CCDC178: variants seen among roughly 807,000 people sequenced by gnomAD.
CCDC178 encodes coiled-coil domain containing 178.
CCDC178 carries 126 observed loss-of-function variants against 117.4 expected under a neutral mutation model. The observed-to-expected ratio is 1.07, with a 90% CI of 0.93 to 1.24. The LOEUF (loss-of-function observed/expected upper bound fraction) is 1.24, where lower values mean the gene tolerates loss of function less well. Ranked by LOEUF, CCDC178 falls within the 50% of genes most tolerant of loss-of-function variation. The probability of loss-of-function intolerance (pLI) is 0.00; values close to 1 mark genes in which losing one functional copy is unlikely to be tolerated. For missense variants in CCDC178, 1,030 were observed against 986.9 expected, an observed-to-expected ratio of 1.04 and a Z score of -0.59; for synonymous variants, 283 against 313.4, an observed-to-expected ratio of 0.90 and a Z score of 1.02.
chr18:33,133,777 A>T (rs2058093111), intron 20 of CCDC178, among the ~76,000 whole-genome samples: 1 of 151,926 alleles, frequency 6.6e-6, no homozygotes, highest in Non-Finnish European at 1.5e-5. Flanking sequence ...TAGTGATTGC[A>T]AGGCTGTATT....
Position 32,963,159 on chromosome 18 carries a change from C to T in CCDC178, c.2523+11388G>A, listed in dbSNP as rs117797532. Among the ~76,000 whole-genome samples, 809 of 152,080 alleles carry T rather than the reference C, an allele frequency of 5.3e-3. 6 individuals carry two copies. The highest frequency in any genetic ancestry group is 0.027 in the Middle Eastern group (8 of 292). Reference sequence around the variant, plus strand: ...ATGTCCTGAGGATGAGCATGGAGGACGAAGTTTGACACATAGTAATGGCTA... The same window carrying T: ...ATGTCCTGAGGATGAGCATGGAGGATGAAGTTTGACACATAGTAATGGCTA... On this transcript the variant is annotated intron_variant, in intron 22 of 22. Coordinates refer to ENST00000383096, the MANE Select transcript of CCDC178 (RefSeq NM_001105528.4).
At chr18:33,293,583 C>A (rs1335706255) in intron 11 of CCDC178, among the ~76,000 whole-genome samples, 1 of 151,982 alleles carries the variant, frequency 6.6e-6, no homozygotes, top group African/African-American at 2.4e-5. Flanking sequence ...GAGGATTCAT[C>A]GAGCCCAGGA....
intron 14 of CCDC178, among the ~76,000 whole-genome samples, chr18:33,249,748 T>C (rs894565136): frequency 2.0e-5 from 3 of 151,970 alleles, no homozygotes; most frequent in African/African-American, 4.8e-5. Context: ...CTTGGCAATG[T>C]GGGCTCTTTT....
At chr18:33,356,027 C>A (rs143275424) in intron 7 of CCDC178, among the ~76,000 whole-genome samples, 78 of 152,150 alleles carry the variant, frequency 5.1e-4, no homozygotes, top group Non-Finnish European at 1.0e-3. Context: ...TTGAATTTTC[C>A]CCTAGTGGTT....
At chr18:33,168,122 G>A (rs558257846) in intron 20 of CCDC178, among the ~76,000 whole-genome samples, 3 of 152,072 alleles carry the variant, frequency 2.0e-5, no homozygotes, top group Non-Finnish European at 4.4e-5. Flanking sequence ...TTTTTGTTGC[G>A]ATTGCTTGTG....
At chr18:33,104,623 A>C (rs1055545993) in intron 20 of CCDC178, among the ~76,000 whole-genome samples, 1 of 151,754 alleles carries the variant, frequency 6.6e-6, no homozygotes, top group South Asian at 2.1e-4. Flanking sequence ...GAAATACGTC[A>C]AAAAACTAAA....
At chr18:33,272,886 G>A (rs1372510932) in intron 12 of CCDC178, among the ~76,000 whole-genome samples, 1 of 150,904 alleles carries the variant, frequency 6.6e-6, no homozygotes, top group Admixed American at 6.6e-5. Context: ...ACAATAAAGG[G>A]AAATTTTCTT....
intron 21 of CCDC178, among the ~76,000 whole-genome samples, chr18:33,003,917 A>G (rs569743923): frequency 1.3e-5 from 2 of 152,234 alleles, no homozygotes; most frequent in African/African-American, 4.8e-5. Flanking sequence ...CAAGAAAGTA[A>G]TCCCATTTGC....
chr18:33,440,601 C>T (rs2064372651), intron 1 of CCDC178, 52 bp downstream of exon 1: 1 of 148,072 alleles, frequency 6.8e-6, no homozygotes, highest in African/African-American at 2.6e-5. Flanking sequence ...CCGGCAGCGC[C>T]CCGCGCCGAG....
chr18:32,937,887 A>G lies in CCDC178; in HGVS notation c.*124T>C, dbSNP rs2054153761. 1 of 694,046 alleles carries G rather than the reference A, an allele frequency of 1.4e-6. No individual in the cohort carries two copies. Among genetic ancestry groups the G allele is most frequent in the African/African-American group, 1.8e-5 (1 of 56,156 alleles). The allele number at this position is 694,046 out of a possible 1,614,324, so 43.0% of individuals were successfully genotyped here. On this transcript the variant is annotated 3_prime_UTR_variant, in exon 23 of 23. Coordinates refer to ENST00000383096, the MANE Select transcript of CCDC178 (RefSeq NM_001105528.4). ...GAGTGGCAAAGCATGCTGGGAGGTG[A>G]GTGAGTTTTTCGTTCATGGAAGTGT...
chr18:32,979,815 T>TA (rs532298902), intron 21 of CCDC178, among the ~76,000 whole-genome samples: 1 of 152,196 alleles, frequency 6.6e-6, no homozygotes, highest in Non-Finnish European at 1.5e-5. Context: ...ATGTGATATA[T>TA]ATAATTTATC....
intron 12 of CCDC178, among the ~76,000 whole-genome samples, chr18:33,281,858 T>C (rs2060030058): frequency 6.6e-6 from 1 of 152,238 alleles, no homozygotes; most frequent in African/African-American, 2.4e-5. Flanking sequence ...TTTAGAGATA[T>C]TTATTACAGC....
At chr18:33,177,850 A>AT (rs1280275913) in intron 20 of CCDC178, among the ~76,000 whole-genome samples, 2 of 151,900 alleles carry the variant, frequency 1.3e-5, no homozygotes, top group Non-Finnish European at 2.9e-5. Context: ...TGTAGAAACC[A>AT]TTTTTTTACT....
At chr18:33,322,612 TTAA>T (rs1005923273) in intron 11 of CCDC178, among the ~76,000 whole-genome samples, 2 of 151,694 alleles carry the variant, frequency 1.3e-5, no homozygotes, top group Non-Finnish European at 3.0e-5. Flanking sequence ...TACATATTTC[TTAA>T]TAACCCATGG....
intron 14 of CCDC178, among the ~76,000 whole-genome samples, chr18:33,263,637 T>G (rs2059777830): frequency 6.6e-6 from 1 of 152,148 alleles, no homozygotes; most frequent in Non-Finnish European, 1.5e-5. Flanking sequence ...GTACATTCTG[T>G]ATTTTCCAAA....
chr18:33,426,514 A>AT (rs922302215), intron 2 of CCDC178, among the ~76,000 whole-genome samples: 7 of 152,128 alleles, frequency 4.6e-5, no homozygotes, highest in African/African-American at 1.7e-4. Context: ...TTGCCTCTGT[A>AT]TTTTACGTTC....
intron 14 of CCDC178, among the ~76,000 whole-genome samples, chr18:33,245,843 T>C (rs892391742): frequency 7.2e-5 from 11 of 151,948 alleles, no homozygotes; most frequent in Non-Finnish European, 1.5e-4. Flanking sequence ...AACTTCGATA[T>C]TATTAACATT....
chr18:33,227,021 T>C (rs1262707763), intron 15 of CCDC178, among the ~76,000 whole-genome samples, 166 bp from the exon 16 acceptor site: 1 of 124,548 alleles, frequency 8.0e-6, no homozygotes, highest in Non-Finnish European at 1.7e-5. Flanking sequence ...TTTTTCGAGG[T>C]AAAGTAATTA....
intron 8 of CCDC178, 142 bp from the exon 9 acceptor site, chr18:33,346,553 A>G: frequency 2.5e-6 from 1 of 400,674 alleles, no homozygotes. Flanking sequence ...CTTTTAAAAA[A>G]GTTTTATTAT....
Sources: allele counts gnomAD v4.1 joint callset (sites outside exome capture counted in the v4.1 genomes callset), GRCh38; gene constraint gnomAD v4.1.1; transcripts MANE v1.5; gene names NCBI Gene and HGNC (gene_info 2026-07-23, HGNC 2026-07-21).